The following PDE12 variants were observed in gnomAD, a reference collection of about 807,000 sequenced individuals.
PDE12 encodes the protein 2',5'-phosphodiesterase 12.
A neutral mutation model predicts 45.4 loss-of-function variants in PDE12; 26 were observed. The observed-to-expected ratio is 0.57, with a 90% CI of 0.42 to 0.79. PDE12 has a LOEUF of 0.79. PDE12 is among the 30% of genes least tolerant of loss of function. PDE12 has a pLI of 0.00. For synonymous variants in PDE12, 283 were observed against 323.9 expected (o/e 0.87, Z 1.36); for missense variants, 668 against 790.0 (o/e 0.85, Z 1.85).
At chr3:57,577,846 G>T in the PDE12 span, among the ~76,000 whole-genome samples, 1,030 of 152,050 alleles carry the variant, frequency 6.8e-3, 13 homozygotes, top group African/African-American at 0.023. Context: ...TTGAACTCAG[G>T]AGTTTGAGAC....
At chr3:57,618,607 G>GGTTTTT in the PDE12 span, among the ~76,000 whole-genome samples, 2 of 79,390 alleles carry the variant, frequency 2.5e-5, no homozygotes, top group Admixed American at 4.0e-4. Flanking sequence ...TTGCTTTTGT[G>GGTTTTT]TTTTTTTTTT....
chr3:57,649,557 T>C, the PDE12 span, among the ~76,000 whole-genome samples: 2 of 150,360 alleles, frequency 1.3e-5, no homozygotes, highest in African/African-American at 2.4e-5. Flanking sequence ...TTCTTGCACA[T>C]GCATGTTTAT....
the PDE12 span, among the ~76,000 whole-genome samples, chr3:57,614,701 C>T: frequency 2.0e-5 from 3 of 151,284 alleles, no homozygotes; most frequent in Non-Finnish European, 2.9e-5. Flanking sequence ...CCTGCCAACA[C>T]GCCCGGCTAA....
the PDE12 span, among the ~76,000 whole-genome samples, chr3:57,589,642 C>T: frequency 1.3e-5 from 2 of 151,008 alleles, no homozygotes; most frequent in East Asian, 2.0e-4. Context: ...CGCTTGAACC[C>T]GGGAGGTGGA....
the PDE12 span, among the ~76,000 whole-genome samples, chr3:57,602,503 C>T: frequency 6.6e-6 from 1 of 152,188 alleles, no homozygotes; most frequent in South Asian, 2.1e-4. Flanking sequence ...CCTATTACCT[C>T]TCAACAACTC....
At chr3:57,575,490 C>A in the PDE12 span, 1 of 1,505,092 alleles carries the variant, frequency 6.6e-7, no homozygotes, top group African/African-American at 1.4e-5. Flanking sequence ...TTAGCTTACA[C>A]AACTATCCTA....
chr3:57,631,094 ACAACTCC>A, the PDE12 span: 1 of 814,270 alleles, frequency 1.2e-6, no homozygotes, highest in Non-Finnish European at 2.0e-6. Context: ...ATGGACAGCA[ACAACTCC>A]ATCACTCCCC....
the PDE12 span, among the ~76,000 whole-genome samples, chr3:57,613,077 T>C: frequency 6.6e-6 from 1 of 151,288 alleles, no homozygotes; most frequent in African/African-American, 2.4e-5. Context: ...ACCTCCCGGG[T>C]TCAAGCGATT....
intron 1 of PDE12, among the ~76,000 whole-genome samples, chr3:57,558,598 C>T (rs1412781772): frequency 6.6e-6 from 1 of 152,128 alleles, no homozygotes; most frequent in African/African-American, 2.4e-5. Flanking sequence ...TCAAGCGATT[C>T]TCCTGCCTCA....
the PDE12 span, chr3:57,628,905 A>G: frequency 6.2e-7 from 1 of 1,600,078 alleles, no homozygotes; most frequent in South Asian, 1.1e-5. Flanking sequence ...ATAAAGTCCC[A>G]AATCAGTAAG....
chr3:57,649,714 T>G, the PDE12 span, among the ~76,000 whole-genome samples: 5 of 151,766 alleles, frequency 3.3e-5, no homozygotes, highest in African/African-American at 9.7e-5. Flanking sequence ...TCATCTCCCC[T>G]GGGCCCTGAC....
At chr3:57,638,677 A>C in the PDE12 span, among the ~76,000 whole-genome samples, 24,658 of 152,036 alleles carry the variant, frequency 0.16, 2,678 homozygotes, top group East Asian at 0.48. Context: ...AAATAACTAA[A>C]TAAATAAATA....
Position 57,557,304 on chromosome 3 carries a change from C to A in PDE12, c.925C>A (p.Gln309Lys), listed in dbSNP as rs1463776121. The part of the protein sequence containing the change: ...SYNILADTYA[Q>K]TEFSRTVLYP... ...CAACATCCTGGCAGACACGTACGCG[C>A]AGACTGAGTTCTCGCGAACGGTTCT... Residue 309 changes from glutamine to lysine, a missense_variant, in exon 1 of 3, where the codon CAG (glutamine) becomes AAG (lysine). Physicochemically the swap from Gln to Lys is moderately conservative, Grantham distance 53 (BLOSUM62 1). Coordinates refer to ENST00000311180, the MANE Select transcript of PDE12 (RefSeq NM_177966.7). 6.2e-7 allele frequency: 1 copy of A among 1,613,960 alleles called. No homozygotes were observed. Among genetic ancestry groups the A allele is most frequent in the South Asian group, 1.1e-5 (1 of 91,086 alleles).
chr3:57,581,037 A>G, the PDE12 span, among the ~76,000 whole-genome samples: 1 of 152,218 alleles, frequency 6.6e-6, no homozygotes, highest in Non-Finnish European at 1.5e-5. Flanking sequence ...AGTGAAGAAA[A>G]GCTAGGATTC....
chr3:57,605,607 C>T, the PDE12 span, among the ~76,000 whole-genome samples: 1 of 152,140 alleles, frequency 6.6e-6, no homozygotes, highest in South Asian at 2.1e-4. Flanking sequence ...TAACTACATC[C>T]TAGAACAAAC....
chr3:57,631,397 T>C, the PDE12 span, among the ~76,000 whole-genome samples: 3 of 152,120 alleles, frequency 2.0e-5, no homozygotes, highest in East Asian at 5.8e-4. Flanking sequence ...GGTTTTACCA[T>C]GTTGGTCAGG....
chr3:57,590,036 GTCGAGA>G, the PDE12 span, among the ~76,000 whole-genome samples: 2 of 149,728 alleles, frequency 1.3e-5, no homozygotes, highest in African/African-American at 4.9e-5. Flanking sequence ...GGCGCAGTGA[GTCGAGA>G]TCATGCCACT....
chr3:57,630,440 A>C, the PDE12 span: 1 of 1,590,748 alleles, frequency 6.3e-7, no homozygotes, highest in Non-Finnish European at 8.5e-7. Flanking sequence ...AAGAGCTTCT[A>C]GATGGAGTGC....
At chr3:57,597,764 C>G in the PDE12 span, 1 of 152,642 alleles carries the variant, frequency 6.6e-6, no homozygotes, top group African/African-American at 2.4e-5. Flanking sequence ...TGAGGAACCT[C>G]GCCCTCTTCT....
Sources: allele counts gnomAD v4.1 joint callset (sites outside exome capture counted in the v4.1 genomes callset), GRCh38; gene constraint gnomAD v4.1.1; transcripts MANE v1.5; gene names NCBI Gene and HGNC (gene_info 2026-07-23, HGNC 2026-07-21).